The following CDYL variants were observed in gnomAD, a reference collection of about 807,000 sequenced individuals.
CDYL encodes the protein chromodomain Y like.
A neutral mutation model predicts 47.3 loss-of-function variants in CDYL; 8 were observed. The observed-to-expected ratio is 0.17, with a 90% CI of 0.10 to 0.31. The LOEUF (loss-of-function observed/expected upper bound fraction) is 0.31. Among genes scored for constraint, CDYL ranks in the 10% least tolerant of loss-of-function variants. The probability of loss-of-function intolerance (pLI) is 1.00; values close to 1 mark genes in which losing one functional copy is unlikely to be tolerated. For synonymous variants in CDYL, 266 were observed against 265.0 expected, an observed-to-expected ratio of 1.00 and a Z score of -0.04; for missense variants, 471 against 701.4, an observed-to-expected ratio of 0.67 and a Z score of 3.71.
chr6:4,880,172 G>A (rs1417838767), intron 1 of CDYL, among the ~76,000 whole-genome samples: 1 of 152,008 alleles, frequency 6.6e-6, no homozygotes, highest in Non-Finnish European at 1.5e-5. Flanking sequence ...GAAATCCTTT[G>A]TGCTCTGCCT....
intron 1 of CDYL, among the ~76,000 whole-genome samples, chr6:4,818,188 G>A (rs1554100104): frequency 6.6e-6 from 1 of 152,104 alleles, no homozygotes; most frequent in Non-Finnish European, 1.5e-5. Context: ...CCTGGAGGTC[G>A]AGGCTGCAGT....
chr6:4,871,562 A>G (rs762697584), intron 1 of CDYL, among the ~76,000 whole-genome samples: 3 of 152,190 alleles, frequency 2.0e-5, no homozygotes, highest in Non-Finnish European at 4.4e-5. Context: ...GGAGGCTCCA[A>G]CACACTGAAG....
intron 2 of CDYL, among the ~76,000 whole-genome samples, chr6:4,724,136 G>A (rs948010148): frequency 2.0e-5 from 3 of 152,272 alleles, no homozygotes; most frequent in African/African-American, 7.2e-5. Flanking sequence ...GACCTCCTGG[G>A]TTCAAATGAT....
intron 2 of CDYL, among the ~76,000 whole-genome samples, chr6:4,725,601 G>A (rs924262822): frequency 6.6e-6 from 1 of 152,210 alleles, no homozygotes; most frequent in Non-Finnish European, 1.5e-5. Context: ...GCTTGCGGGC[G>A]GACCTGCCCG....
chr6:4,918,266 G>A (rs1258545774), intron 2 of CDYL, among the ~76,000 whole-genome samples: 2 of 152,058 alleles, frequency 1.3e-5, no homozygotes, highest in Non-Finnish European at 1.5e-5. Context: ...CATGTCGATA[G>A]CTATGGTTAT....
At chr6:4,760,828 T>C (rs1999868) in intron 3 of CDYL, among the ~76,000 whole-genome samples, 31,624 of 151,190 alleles carry the variant, frequency 0.21, 5,200 homozygotes, top group African/African-American at 0.45. Flanking sequence ...CAAACAAAAC[T>C]AGATAAATCA....
intron 1 of CDYL, 121 bp from the exon 2 acceptor site, chr6:4,891,592 A>G (rs1762043132): frequency 2.7e-6 from 2 of 747,882 alleles, no homozygotes; most frequent in South Asian, 1.9e-5. Flanking sequence ...TTGAGGTTGC[A>G]GAAGAGATCA....
chr6:4,908,819 C>CTG (rs1221471637), intron 2 of CDYL, among the ~76,000 whole-genome samples: 1 of 152,200 alleles, frequency 6.6e-6, no homozygotes, highest in Non-Finnish European at 1.5e-5. Flanking sequence ...GGTGGAAATG[C>CTG]TGTGCCCCTT....
At chr6:4,822,638 ATG>A (rs1284496598) in intron 1 of CDYL, among the ~76,000 whole-genome samples, 1 of 152,186 alleles carries the variant, frequency 6.6e-6, no homozygotes, top group African/African-American at 2.4e-5. Flanking sequence ...GTGTCAAAGT[ATG>A]TGTGTAGTAT....
intron 1 of CDYL, among the ~76,000 whole-genome samples, chr6:4,816,306 TTA>T (rs1392423349): frequency 6.6e-6 from 1 of 151,848 alleles, no homozygotes; most frequent in Non-Finnish European, 1.5e-5. Flanking sequence ...TAGGTTGACT[TTA>T]AGAGTTTTAT....
rs1297185658 is a variant in CDYL, at chr6:4,756,576, G to GTGTCTGTGTGTGTC, written c.186+21735_186+21736insCTGTGTGTGTCTGT. On this transcript the variant is annotated intron_variant, in intron 3 of 8. Coordinates refer to the CDYL transcript ENST00000328908. ...TAATTGTAGTAATTAAAATTATCGTGTGTATGTGTGTGTGTGTGTGTGTGT... is the reference window on the plus strand; with the variant it reads ...TAATTGTAGTAATTAAAATTATCGTGTGTCTGTGTGTGTCTGTATGTGTGTGTGTGTGTGTGTGT... 9.6e-3 allele frequency among the ~76,000 whole-genome samples: 1,336 copies of GTGTCTGTGTGTGTC among 138,626 alleles called. 20 individuals carry two copies. The highest frequency in any genetic ancestry group is 0.027 in the East Asian group (137 of 5,096). 90.9% of individuals were successfully genotyped at this position (138,626 alleles called of 152,430 possible).
At chr6:4,919,108 G>A (rs1219145413) in intron 2 of CDYL, among the ~76,000 whole-genome samples, 5 of 152,014 alleles carry the variant, frequency 3.3e-5, no homozygotes, top group East Asian at 1.9e-4. Flanking sequence ...CCAGAAGACC[G>A]GAACAAAACA....
intron 3 of CDYL, chr6:4,734,979 T>A (rs1757676056): frequency 1.4e-6 from 2 of 1,414,606 alleles, no homozygotes; most frequent in Non-Finnish European, 1.9e-6. Flanking sequence ...CTGGTGAAGC[T>A]GTGGACTCCT....
intron 4 of CDYL, among the ~76,000 whole-genome samples, chr6:4,939,236 A>G (rs532142835): frequency 6.6e-6 from 1 of 152,248 alleles, no homozygotes; most frequent in East Asian, 1.9e-4. Flanking sequence ...GCTTTCTAGC[A>G]CCTAAACCCT....
chr6:4,849,063 A>C (rs1420224598), intron 1 of CDYL, among the ~76,000 whole-genome samples: 1 of 152,188 alleles, frequency 6.6e-6, no homozygotes, highest in Non-Finnish European at 1.5e-5. Flanking sequence ...TTCTTGATCA[A>C]ATTTTAGGTT....
At chr6:4,717,536 A>G (rs1000434107) in intron 2 of CDYL, among the ~76,000 whole-genome samples, 1 of 151,912 alleles carries the variant, frequency 6.6e-6, no homozygotes, top group African/African-American at 2.4e-5. Flanking sequence ...ATCTCTAAAA[A>G]AAAAATTAAA....
intron 1 of CDYL, among the ~76,000 whole-genome samples, chr6:4,844,529 C>T (rs745894576): frequency 6.6e-6 from 1 of 152,196 alleles, no homozygotes; most frequent in African/African-American, 2.4e-5. Context: ...CTGCTCTGTC[C>T]GTCCGAGTGG....
Position 4,894,876 on chromosome 6 carries a change from T to TATGTGTATATACACAC in CDYL, c.691+2497_691+2498insATGTGTATATACACAC, listed in dbSNP as rs1561692286. Among the ~76,000 whole-genome samples, 3 of 3,246 alleles carry TATGTGTATATACACAC rather than the reference T, an allele frequency of 9.2e-4. No individual in the cohort carries two copies. The Non-Finnish European group carries it at 0.041, about 44-fold the overall frequency. 2.1% of individuals were successfully genotyped at this position (3,246 alleles called of 152,430 possible). A position where few individuals can be genotyped will look rare whatever the true frequency, so the allele number is the denominator to read the frequency against. The stretch of plus-strand genomic sequence containing the variant: ...GTGTGTATATGTGTATATACACACA[T>TATGTGTATATACACAC]GTGTATGTGTGTGTATATATACACA... On this transcript the variant is annotated intron_variant, in intron 2 of 6. Coordinates refer to ENST00000397588, the MANE Select transcript of CDYL (RefSeq NM_004824.4).
chr6:4,733,338 T>C (rs986706937), intron 2 of CDYL: 1 of 151,402 alleles, frequency 6.6e-6, no homozygotes, highest in African/African-American at 2.4e-5. Flanking sequence ...CGCCACAGCA[T>C]GGCAAAATCA....
Sources: allele counts gnomAD v4.1 joint callset (sites outside exome capture counted in the v4.1 genomes callset), GRCh38; gene constraint gnomAD v4.1.1; transcripts MANE v1.5; gene names NCBI Gene and HGNC (gene_info 2026-07-23, HGNC 2026-07-21).